Variants in COL2A1 observed in about 807,000 individuals in gnomAD.
COL2A1 encodes collagen alpha-1(II) chain.
A neutral mutation model predicts 204.5 loss-of-function variants in COL2A1; 28 were observed. The observed-to-expected ratio is 0.14, with a 90% CI of 0.10 to 0.19. COL2A1 has a LOEUF of 0.19. Among genes scored for constraint, COL2A1 ranks in the 10% least tolerant of loss-of-function variants. The probability of loss-of-function intolerance (pLI) is 1.00; values close to 1 mark genes in which losing one functional copy is unlikely to be tolerated. For missense variants in COL2A1, 1,388 were observed against 2,027.5 expected (o/e 0.68, Z 6.06); for synonymous variants, 708 against 718.7 (o/e 0.99, Z 0.24).
chr12:47,974,795 C>T lies in COL2A1; in HGVS notation c.3954G>A (p.Glu1318=). 1 of 1,614,224 alleles carries T rather than the reference C, an allele frequency of 6.2e-7. No homozygotes were observed. The highest frequency in any genetic ancestry group is 8.5e-7 in the Non-Finnish European group (1 of 1,180,040). Residue 1318 remains glutamate, a synonymous_variant, in exon 52 of 54, where the codon GAG becomes GAA. Coordinates refer to ENST00000380518, the MANE Select transcript of COL2A1 (RefSeq NM_001844.5). ...LDAMKVFCNM[E]TGETCVYPNP... is the part of the protein sequence containing the mutation. ...TGGGGTAGACGCAAGTCTCGCCAGT[C>T]TCCATGTTGCAGAAAACCTTCATGG...
rs773847958 is a variant in COL2A1, at chr12:47,986,822, G to A, written c.1419+13C>T. The A allele has an allele frequency of 6.2e-7, 1 of 1,614,106 alleles. No individual in the cohort carries two copies. Among genetic ancestry groups the A allele is most frequent in the East Asian group, 2.2e-5 (1 of 44,874 alleles). ...GCAGCAGAGAAGACAAGGGCTTGGG[G>A]GCAGATACTCACAGGTTCTCCCTTG... On this transcript the variant is annotated intron_variant, in intron 22 of 53. Coordinates refer to ENST00000380518, the MANE Select transcript of COL2A1 (RefSeq NM_001844.5).
chr12:47,978,005 C>T lies in COL2A1; in HGVS notation c.3111+5G>A, dbSNP rs1429492734. 15 of 1,612,752 alleles carry T rather than the reference C, an allele frequency of 9.3e-6. 1 individual carries two copies. Among genetic ancestry groups the T allele is most frequent in the Non-Finnish European group, 1.0e-5 (12 of 1,179,510 alleles). On this transcript the variant is annotated splice_donor_5th_base_variant and intron_variant, in intron 44 of 53. Transcript: ENST00000380518. The surrounding 1 kb of genome is among the most constrained non-coding windows in gnomAD (Gnocchi z 5.5). ...AGGGCCACCCCAGGGGGTCTCACTG[C>T]TCACCTCTCGTCCAGGTTCACCTGC... is the stretch of plus-strand genomic sequence containing the variant.
rs1458995167 is a variant in COL2A1, at chr12:47,982,093, C to G, written c.2355+14G>C. On this transcript the variant is annotated intron_variant, in intron 35 of 53. Coordinates refer to ENST00000380518, the MANE Select transcript of COL2A1 (RefSeq NM_001844.5). ...TCCTAATGCCCAGCAGTCCAGCAGC[C>G]CGCATTCACTTACTCGTCCACCATC... 6.2e-7 allele frequency: 1 copy of G among 1,613,256 alleles called. No homozygotes were observed. The highest frequency in any genetic ancestry group is 1.7e-5 in the Admixed American group (1 of 60,030).
At chr12:48,003,427 C>T (rs1316656041) in intron 1 of COL2A1, among the ~76,000 whole-genome samples, 1 of 152,086 alleles carries the variant, frequency 6.6e-6, no homozygotes, top group Non-Finnish European at 1.5e-5. Context: ...TGGGGTAAGA[C>T]CGCGGGGAAG....
At chr12:47,974,382 G>A (rs1021997457) in intron 52 of COL2A1, 51 bp from the exon 53 acceptor site, 5 of 1,608,086 alleles carry the variant, frequency 3.1e-6, no homozygotes, top group Non-Finnish European at 4.2e-6. Flanking sequence ...GCATTCAATG[G>A]GACCAGGGGC....
intron 16 of COL2A1, among the ~76,000 whole-genome samples, 178 bp downstream of exon 16, chr12:47,992,700 C>T (rs994623714): frequency 1.3e-5 from 2 of 152,186 alleles, no homozygotes; most frequent in African/African-American, 2.4e-5. Context: ...CCTATCCTTC[C>T]TCCTTCAACT....
In COL2A1 at chr12:47,973,073, G is replaced by A. The variant is rs1287607060; in HGVS notation, c.*334C>T. Reference sequence around the variant, plus strand: ...TGTGTAGGACACACACAGTTCCTGCGCCCGGCACCTGAAGGGAGGTCTTCT... The same window carrying A: ...TGTGTAGGACACACACAGTTCCTGCACCCGGCACCTGAAGGGAGGTCTTCT... On this transcript the variant is annotated 3_prime_UTR_variant, in exon 54 of 54. Transcript: ENST00000380518. 13 of 593,618 alleles carry A rather than the reference G, an allele frequency of 2.2e-5. No individual in the cohort carries two copies. The highest frequency in any genetic ancestry group is 8.3e-5 in the East Asian group (3 of 36,316). 36.8% of individuals were successfully genotyped at this position (593,618 alleles called of 1,614,324 possible). A position where few individuals can be genotyped will look rare whatever the true frequency, so the allele number is the denominator to read the frequency against.
chr12:47,979,576 G>A lies in COL2A1; in HGVS notation c.2680-12C>T. On this transcript the variant is annotated splice_polypyrimidine_tract_variant and intron_variant, in intron 40 of 53. Transcript: ENST00000380518. ...AATCCAGTGGCTCCCTGTGTGGGGA[G>A]AGGAGAGCCCCTGAGAACCTCAAGC... The A allele has an allele frequency of 1.3e-5, 20 of 1,595,108 alleles. No individual in the cohort carries two copies. The highest frequency in any genetic ancestry group is 1.7e-5 in the Non-Finnish European group (20 of 1,169,384).
At chr12:47,998,384 T>A in intron 3 of COL2A1, 31 bp downstream of exon 3, 2 of 1,579,338 alleles carry the variant, frequency 1.3e-6, no homozygotes, top group Admixed American at 1.7e-5. Flanking sequence ...GCCAAAAAAA[T>A]ATGAAAAAAG....
At chr12:47,984,679 G>A (rs1460255390) in intron 27 of COL2A1, 80 bp from the exon 28 acceptor site, 2 of 1,328,798 alleles carry the variant, frequency 1.5e-6, no homozygotes, top group Non-Finnish European at 2.2e-6. Flanking sequence ...AGGGACTGAG[G>A]CCTGGGGCCA....
intron 50 of COL2A1, 73 bp from the exon 51 acceptor site, chr12:47,975,678 A>G (rs1938670819): frequency 6.6e-6 from 10 of 1,516,478 alleles, no homozygotes; most frequent in Admixed American, 3.7e-5. Flanking sequence ...CATTTGCTAG[A>G]ATGTACTAGA....
Position 47,984,164 on chromosome 12 carries a change from G to T in COL2A1, c.1888-24C>A, listed in dbSNP as rs41263845. 103,753 of 1,610,096 alleles carry T rather than the reference G, an allele frequency of 0.064. 3,913 individuals are homozygous for T. The highest frequency in any genetic ancestry group is 0.077 in the Non-Finnish European group (90,123 of 1,177,290). On this transcript the variant is annotated intron_variant, in intron 28 of 53. Transcript: ENST00000380518. ...CCCTAGACAGAAGAGAAAAAGAAAA[G>T]TCAATGACACGCTTTTCTTCCCACT...
chr12:47,979,690 G>C (rs1286678029), intron 40 of COL2A1, 126 bp from the exon 41 acceptor site: 6 of 881,428 alleles, frequency 6.8e-6, no homozygotes, highest in African/African-American at 1.7e-5. Flanking sequence ...AAAGCAGCAA[G>C]GGGGATCCAG....
rs763960160 is a variant in COL2A1, at chr12:47,974,086, C to T, written c.4317+3G>A. 1.9e-6 allele frequency: 3 copies of T among 1,614,130 alleles called. No individual in the cohort carries two copies. The highest frequency in any genetic ancestry group is 1.7e-6 in the Non-Finnish European group (2 of 1,180,056). On this transcript the variant is annotated splice_donor_region_variant and intron_variant, in intron 53 of 53. Coordinates refer to ENST00000380518, the MANE Select transcript of COL2A1 (RefSeq NM_001844.5). The stretch of plus-strand genomic sequence containing the variant: ...AGCTCTTCTCTCTGGCAGCCCCACT[C>T]ACCGTGCAGCCATCCTTCAGGGCAG...
intron 16 of COL2A1, 23 bp from the exon 17 acceptor site, chr12:47,989,828 C>G: frequency 6.2e-7 from 1 of 1,612,150 alleles, no homozygotes; most frequent in Non-Finnish European, 8.5e-7. Context: ...AGGAAGTGAC[C>G]ATGAGAGGTG....
chr12:47,984,687 C>T (rs1030016854), intron 27 of COL2A1, 88 bp from the exon 28 acceptor site: 1 of 1,261,944 alleles, frequency 7.9e-7, no homozygotes, highest in East Asian at 2.4e-5. Flanking sequence ...AGGCCTGGGG[C>T]CACATCCTGA....
rs1485068660 is a variant in COL2A1 at position 47,980,116 on chromosome 12, G to T, written c.2626-54C>A. 1.8e-5 allele frequency: 27 copies of T among 1,467,550 alleles called. No homozygotes were observed. Among genetic ancestry groups the T allele is most frequent in the Non-Finnish European group, 2.5e-5 (27 of 1,071,128 alleles). The allele number at this position is 1,467,550 out of a possible 1,614,324, so 90.9% of individuals were successfully genotyped here. On this transcript the variant is annotated intron_variant, in intron 39 of 53. Transcript: ENST00000380518. The surrounding 1 kb of genome is among the most constrained non-coding windows in gnomAD (Gnocchi z 4.5). ...CCCAGTGGCCCAAGGAAGACGGTGG[G>T]CTTCTGTCTGAGCCCCAACAATGGA... is the stretch of plus-strand genomic sequence containing the variant.
At chr12:47,983,030 C>A in intron 32 of COL2A1, 63 bp downstream of exon 32, 1 of 1,607,622 alleles carries the variant, frequency 6.2e-7, no homozygotes, top group Admixed American at 1.7e-5. Context: ...GGGAAAGGAG[C>A]AGGAGCATAG....
At chr12:47,981,438 G>A (rs1434343678) in intron 36 of COL2A1, 42 bp from the exon 37 acceptor site, 1 of 1,577,838 alleles carries the variant, frequency 6.3e-7, no homozygotes, top group Non-Finnish European at 8.6e-7. Flanking sequence ...TAAGAAGGTG[G>A]GGAGGCAGAG....
Sources: gnomAD v4.1 joint callset for allele counts (sites outside exome capture counted in the v4.1 genomes callset) on GRCh38, gnomAD v4.1.1 for gene constraint, Gnocchi (gnomAD v3.1) non-coding constraint, MANE v1.5 for transcripts, NCBI Gene and HGNC (gene_info 2026-07-23, HGNC 2026-07-21) for gene names.